Variants in IFI16 observed in about 807,000 individuals in gnomAD.
The protein encoded by IFI16 is interferon gamma inducible protein 16.
A neutral mutation model predicts 68.4 loss-of-function variants in IFI16; 49 were observed. The ratio of observed to expected loss-of-function variants is 0.72; its 90% confidence interval spans 0.57 to 0.91. The LOEUF (loss-of-function observed/expected upper bound fraction) is 0.91, where lower values mean the gene tolerates loss of function less well. Ranked by LOEUF, IFI16 falls within the 40% of genes least tolerant of loss-of-function variation. The pLI, the probability that IFI16 is intolerant of heterozygous loss-of-function variation, is 0.00. For missense variants in IFI16, 878 were observed against 942.9 expected (o/e 0.93, Z 0.90); for synonymous variants, 307 against 315.0 (o/e 0.97, Z 0.27).
intron 10 of IFI16, chr1:159,052,375 C>A (rs368026437): frequency 3.3e-5 from 14 of 421,362 alleles, no homozygotes; most frequent in East Asian, 2.2e-4. Context: ...TCAGAGCCAC[C>A]CTTGTCCAGG....
chr1:159,010,672 A>C (rs1231784743), intron 1 of IFI16, among the ~76,000 whole-genome samples: 2 of 152,222 alleles, frequency 1.3e-5, no homozygotes, highest in East Asian at 3.8e-4. Context: ...TCACAAACAC[A>C]GTTACTCAAG....
At chr1:159,035,140 AT>A (rs1424606247) in intron 7 of IFI16, among the ~76,000 whole-genome samples, 1 of 152,148 alleles carries the variant, frequency 6.6e-6, no homozygotes, top group Non-Finnish European at 1.5e-5. Flanking sequence ...AGCTTCCTAT[AT>A]TTAAGGATTC....
At position 159,049,420 on chromosome 1, in the gene IFI16, A is replaced by G. The variant is rs1168261619; in HGVS notation, c.1498-12A>G. On this transcript the variant is annotated splice_polypyrimidine_tract_variant and intron_variant, in intron 8 of 11. Transcript: ENST00000295809. ...AACTAGAAAAAAAGAACAAACATCT[A>G]TTTTCCTTTAGAAAAGTGAAGACAC... The G allele has an allele frequency of 6.5e-6, 8 of 1,234,124 alleles. No homozygotes were observed. The highest frequency in any genetic ancestry group is 4.7e-5 in the East Asian group (2 of 42,356). The allele number at this position is 1,234,124 out of a possible 1,614,324, so 76.4% of individuals were successfully genotyped here.
At chr1:159,035,753 T>G (rs949580037) in intron 7 of IFI16, among the ~76,000 whole-genome samples, 5 of 5,082 alleles carry the variant, frequency 9.8e-4, no homozygotes, top group Non-Finnish European at 8.7e-3. Context: ...TTCTTATCAT[T>G]GATTTTTTTT....
intron 6 of IFI16, among the ~76,000 whole-genome samples, chr1:159,023,241 CA>C (rs1208766852): frequency 6.6e-6 from 1 of 152,058 alleles, no homozygotes; most frequent in Non-Finnish European, 1.5e-5. Context: ...ATAGTTCTAT[CA>C]GGGGCAGTAT....
Position 159,016,568 on chromosome 1 carries a change from C to T in IFI16, c.417C>T (p.Pro139=), listed in dbSNP as rs766639299. Residue 139 remains proline, a synonymous_variant, in exon 4 of 12, where the codon CCC becomes CCT. Coordinates refer to ENST00000295809, the MANE Select transcript of IFI16 (RefSeq NM_001376587.1). ...AATCAACCAAAGAAAAGGCTGGACC[C>T]AAAGGGAGTAAGGTGTCCGAGGAAC... ...RKKSTKEKAG[P]KGSKVSEEQT... is the part of the protein sequence containing the mutation. 2.2e-5 allele frequency: 35 copies of T among 1,613,700 alleles called. 1 individual carries two copies. The South Asian group carries it at 3.8e-4, about 18-fold the overall frequency.
chr1:159,015,062 C>T, intron 2 of IFI16, 117 bp downstream of exon 2: 1 of 971,124 alleles, frequency 1.0e-6, no homozygotes, highest in Non-Finnish European at 1.6e-6. Context: ...TGTGACTCAA[C>T]AGCTGAGACA....
chr1:159,014,849 C>T lies in IFI16; in HGVS notation c.169C>T (p.Arg57Ter), dbSNP rs142181180. ...TGCTGACTTGATGGAAGAAAAGTTC[C>T]GAGGTGATGCTGGTTTGGGCAAACT... ...QIADLMEEKF[R>*]GDAGLGKLIK... The change falls in exon 2 of 12, where the codon CGA (arginine) becomes TGA (stop). Residue 57 changes from arginine (R) to a stop codon, truncating the protein, a stop_gained. Transcript: ENST00000295809. LOFTEE classifies it high-confidence loss of function. 1.5e-5 allele frequency: 25 copies of T among 1,613,726 alleles called. No homozygotes were observed. Among genetic ancestry groups the T allele is most frequent in the Middle Eastern group, 1.6e-4 (1 of 6,082 alleles).
intron 10 of IFI16, chr1:159,052,703 G>A (rs1467125958): frequency 4.0e-5 from 6 of 150,478 alleles, no homozygotes; most frequent in African/African-American, 1.5e-4. Context: ...GAAGCAAAAA[G>A]ACTAAAAAAG....
At chr1:159,011,416 C>T (rs532259556) in intron 1 of IFI16, among the ~76,000 whole-genome samples, 1 of 151,804 alleles carries the variant, frequency 6.6e-6, no homozygotes, top group Non-Finnish European at 1.5e-5. Context: ...CTTTGTAGTG[C>T]TCTCACAATC....
At chr1:159,010,929 T>C (rs1652513618) in intron 1 of IFI16, among the ~76,000 whole-genome samples, 1 of 152,204 alleles carries the variant, frequency 6.6e-6, no homozygotes, top group African/African-American at 2.4e-5. Context: ...CAATATTTCA[T>C]GTGTGCTTAA....
At chr1:159,048,569 G>C (rs2852699) in intron 8 of IFI16, among the ~76,000 whole-genome samples, 97,905 of 151,008 alleles carry the variant, frequency 0.65, 38,955 homozygotes, top group Non-Finnish European at 0.84. Context: ...CTCAGTGGTG[G>C]TCAGAGACTG....
upstream of IFI16, among the ~76,000 whole-genome samples, chr1:159,003,852 G>T (rs1418569041): frequency 2.6e-5 from 4 of 151,982 alleles, no homozygotes; most frequent in African/African-American, 4.8e-5. Flanking sequence ...AGTAGAGACG[G>T]GGTTTCACTG....
Position 159,053,589 on chromosome 1 carries a change from G to A in IFI16, c.2142G>A (p.Met714Ile), listed in dbSNP as rs1489398097. The change falls in exon 11 of 12, where the codon ATG becomes ATA. Residue 714 changes from methionine to isoleucine, a missense_variant. By Grantham distance (10) the Met-to-Ile change is conservative. This residue lies in a region of IFI16 where 311 missense variants were observed against 305.1 expected (regional missense o/e 1.02). Transcript: ENST00000295809. ...AAATACAAGATAATACAGGGAAGAT[G>A]GAAGTGGTGGTGCATGGACGACTGA... is the stretch of plus-strand genomic sequence containing the variant. The part of the protein sequence containing the change: ...YYEIQDNTGK[M>I]EVVVHGRLTT... 6.2e-6 allele frequency: 10 copies of A among 1,613,424 alleles called. No homozygotes were observed. Among genetic ancestry groups the A allele is most frequent in the African/African-American group, 1.3e-5 (1 of 74,902 alleles).
intron 8 of IFI16, among the ~76,000 whole-genome samples, chr1:159,048,136 C>A (rs955811210): frequency 1.3e-5 from 2 of 150,912 alleles, no homozygotes; most frequent in Non-Finnish European, 3.0e-5. Flanking sequence ...TACAAGATTT[C>A]CATCAGCAAG....
chr1:159,050,014 C>T (rs188737338), intron 9 of IFI16, among the ~76,000 whole-genome samples: 9 of 152,262 alleles, frequency 5.9e-5, no homozygotes, highest in African/African-American at 2.2e-4. Flanking sequence ...GCAAAAATAA[C>T]TTTTAACTGT....
Position 159,053,682 on chromosome 1 carries a change from G to A in IFI16, c.2235G>A (p.Gly745=), listed in dbSNP as rs1371538898. Residue 745 remains glycine, a synonymous_variant, in exon 11 of 12, where the codon GGG becomes GGA. Coordinates refer to ENST00000295809, the MANE Select transcript of IFI16 (RefSeq NM_001376587.1). ...LTCFELAPKS[G]NTGELRSVIH... ...GCTTTGAATTGGCACCGAAAAGTGG[G>A]AATACCGGGGAGTTGAGATCTGTAA... 1.2e-6 allele frequency: 2 copies of A among 1,613,948 alleles called. No individual in the cohort carries two copies. Among genetic ancestry groups the A allele is most frequent in the East Asian group, 4.5e-5 (2 of 44,874 alleles).
upstream of IFI16, among the ~76,000 whole-genome samples, chr1:159,009,426 C>A (rs184249327): frequency 4.6e-5 from 7 of 152,220 alleles, no homozygotes; most frequent in East Asian, 3.9e-4. Context: ...CCAGGAGATG[C>A]AGTAAAGTAT....
chr1:159,052,623 C>G (rs1446384354), intron 10 of IFI16: 1 of 152,916 alleles, frequency 6.5e-6, no homozygotes, highest in Non-Finnish European at 1.5e-5. Context: ...TTTCTTGCCT[C>G]TTCTCATTCA....
Sources: gnomAD v4.1 joint callset for allele counts (sites outside exome capture counted in the v4.1 genomes callset) on GRCh38, gnomAD v4.1.1 for gene constraint, gnomAD v4.1.1 regional missense constraint, MANE v1.5 for transcripts, NCBI Gene and HGNC (gene_info 2026-07-23, HGNC 2026-07-21) for gene names.